Variants in OR2AP1 observed in about 807,000 individuals in gnomAD.
OR2AP1 encodes the protein olfactory receptor 2AP1.
In OR2AP1, 20 loss-of-function variants were observed where a neutral mutation model predicts 13.9. The observed-to-expected ratio is 1.44, with a 90% confidence interval of 1.01 to 2.09. The LOEUF is 2.09. Ranked by LOEUF, OR2AP1 falls within the 30% of genes most tolerant of loss-of-function variation. The probability of loss-of-function intolerance (pLI) is 0.00; values close to 1 mark genes in which losing one functional copy is unlikely to be tolerated. For missense variants in OR2AP1, 490 were observed against 360.6 expected (o/e 1.36, Z -2.91); for synonymous variants, 174 against 137.0 (o/e 1.27, Z -1.89).
In OR2AP1 at chr12:55,574,389, C is replaced by T. The variant is rs1307770751; in HGVS notation, c.-26C>T. The T allele has an allele frequency of 1.5e-6, 2 of 1,300,516 alleles. No individual in the cohort carries two copies. Among genetic ancestry groups the T allele is most frequent in the Admixed American group, 4.6e-5 (2 of 43,208 alleles). 80.6% of individuals were successfully genotyped at this position (1,300,516 alleles called of 1,614,324 possible). A position where few individuals can be genotyped will look rare whatever the true frequency, so the allele number is the denominator to read the frequency against. ...CTTTTGATTACTACTCTCTTTTTCA[C>T]TTTGAGACTCAAAATTTTTTCAACA... On this transcript the variant is annotated 5_prime_UTR_variant, in exon 2 of 2. Transcript: ENST00000641114.
chr12:55,572,771 T>A (rs1874455339), intron 1 of OR2AP1, 149 bp downstream of exon 1: 1 of 152,200 alleles, frequency 6.6e-6, no homozygotes, highest in African/African-American at 2.4e-5. Context: ...TTACAATAAC[T>A]TTTCTTGATC....
At chr12:55,572,701 G>A (rs769950420) in intron 1 of OR2AP1, 79 bp downstream of exon 1, 6 of 152,018 alleles carry the variant, frequency 3.9e-5, no homozygotes, top group Non-Finnish European at 8.8e-5. Flanking sequence ...CCATCTCCAA[G>A]CTAACTTCTC....
At position 55,575,465 on chromosome 12, in the gene OR2AP1, T is replaced by C. The variant is rs999701238; in HGVS notation, c.*121T>C. ...ATGGCACATATACACCATGGAATAC[T>C]ATGCAGCCATTAAAAATGATGAGTT... On this transcript the variant is annotated 3_prime_UTR_variant, in exon 2 of 2. Transcript: ENST00000641114. The C allele has an allele frequency of 1.7e-6, 1 of 590,000 alleles. No individual in the cohort carries two copies. The allele number at this position is 590,000 out of a possible 1,614,324, so 36.5% of individuals were successfully genotyped here. A position where few individuals can be genotyped will look rare whatever the true frequency, so the allele number is the denominator to read the frequency against.
chr12:55,574,554 C>T lies in OR2AP1; in HGVS notation c.140C>T (p.Thr47Ile). The T allele has an allele frequency of 6.5e-7, 1 of 1,539,822 alleles. No individual in the cohort carries two copies. The highest frequency in any genetic ancestry group is 8.7e-7 in the Non-Finnish European group (1 of 1,148,244). The change falls in exon 2 of 2, where the codon ACC becomes ATC. Residue 47 changes from threonine (T) to isoleucine (I), a missense_variant. Thr to Ile is a moderately conservative substitution (Grantham distance 89, BLOSUM62 -1). Transcript: ENST00000641114. ...GGAAATCTGACTATCCTCATCCTCACCTTGCTGGACTCCCACCTTCAGACT... is the reference window on the plus strand; with the variant it reads ...GGAAATCTGACTATCCTCATCCTCATCTTGCTGGACTCCCACCTTCAGACT... The part of the protein sequence containing the change: ...ILGNLTILIL[T>I]LLDSHLQTPM...
rs564196175 is a variant in OR2AP1 at position 55,574,333 on chromosome 12, C to T, written c.-82C>T. 1.8e-4 allele frequency: 126 copies of T among 695,208 alleles called. 2 individuals are homozygous for T. In the South Asian group the frequency reaches 2.2e-3, roughly 12 times the overall value. 43.1% of individuals were successfully genotyped at this position (695,208 alleles called of 1,614,324 possible). A position where few individuals can be genotyped will look rare whatever the true frequency, so the allele number is the denominator to read the frequency against. On this transcript the variant is annotated 5_prime_UTR_variant, in exon 2 of 2. Transcript: ENST00000641114. ...CATTTTTTTCTTGTCAGACTTCATC[C>T]GTTCATTTCAGAGCACCTCTTCCTT... is the stretch of plus-strand genomic sequence containing the variant.
chr12:55,574,469 C>T lies in OR2AP1; in HGVS notation c.55C>T (p.Pro19Ser). The change falls in exon 2 of 2, where the codon CCT (proline) becomes TCT (serine). Residue 19 changes from proline (P) to serine (S), a missense_variant. Pro to Ser is a moderately conservative substitution (Grantham distance 74). Coordinates refer to ENST00000641114, the MANE Select transcript of OR2AP1 (RefSeq NM_001258285.2). ...EFILLGLTDV[P>S]ELQVAVFTFL... ...TATCCTTCTGGGTCTAACAGATGTC[C>T]CTGAACTCCAGGTGGCAGTTTTCAC... 1.3e-6 allele frequency: 2 copies of T among 1,536,160 alleles called. No individual in the cohort carries two copies. The highest frequency in any genetic ancestry group is 8.7e-7 in the Non-Finnish European group (1 of 1,146,486).
Position 55,575,037 on chromosome 12 carries a change from C to T in OR2AP1, c.623C>T (p.Thr208Ile). ...FLVASVTLVV[T>I]LVLVILSYAF... ...GTGGCATCTGTGACCCTGGTGGTCA[C>T]TCTGGTGCTAGTGATTCTCTCCTAT... Residue 208 changes from threonine to isoleucine, a missense_variant, in exon 2 of 2, where the codon ACT becomes ATT. By Grantham distance (89) the Thr-to-Ile change is moderately conservative (BLOSUM62 -1). Coordinates refer to ENST00000641114, the MANE Select transcript of OR2AP1 (RefSeq NM_001258285.2). The T allele has an allele frequency of 2.6e-6, 4 of 1,539,136 alleles. No homozygotes were observed. The highest frequency in any genetic ancestry group is 2.4e-5 in the South Asian group (2 of 84,310).
At chr12:55,574,102 C>G (rs1387449405) in intron 1 of OR2AP1, 118 bp from the exon 2 acceptor site, 2 of 223,088 alleles carry the variant, frequency 9.0e-6, no homozygotes, top group Non-Finnish European at 1.7e-5. Flanking sequence ...TGGAGGCATT[C>G]TTTTATTAAC....
Position 55,574,772 on chromosome 12 carries a change from C to G in OR2AP1, c.358C>G (p.Arg120Gly), listed in dbSNP as rs946938450. The G allele has an allele frequency of 6.2e-7, 1 of 1,606,270 alleles. No individual in the cohort carries two copies. Among genetic ancestry groups the G allele is most frequent in the Non-Finnish European group, 8.5e-7 (1 of 1,176,354 alleles). Reference protein sequence around the residue: ...FYLLAAMSYDRYVAICKPLHY... With the variant: ...FYLLAAMSYDGYVAICKPLHY... ...CCTTCTGGCTGCCATGTCCTATGACCGCTATGTGGCCATCTGCAAACCTCT... is the reference window on the plus strand; with the variant it reads ...CCTTCTGGCTGCCATGTCCTATGACGGCTATGTGGCCATCTGCAAACCTCT... The change falls in exon 2 of 2, where the codon CGC becomes GGC. Residue 120 changes from arginine to glycine, a missense_variant. Coordinates refer to ENST00000641114, the MANE Select transcript of OR2AP1 (RefSeq NM_001258285.2).
intron 1 of OR2AP1, among the ~76,000 whole-genome samples, chr12:55,573,948 A>G (rs2135880232): frequency 6.6e-6 from 1 of 152,308 alleles, no homozygotes; most frequent in South Asian, 2.1e-4. Flanking sequence ...TTATATGAAA[A>G]AAAGGTAGGG....
Position 55,575,349 on chromosome 12 carries a change from T to C in OR2AP1, c.*5T>C, listed in dbSNP as rs1874540200. ...AAAAAGCTTCTGAATCTTTAAAGAA[T>C]TTAAGAATTATGCATCGCGACATTA... On this transcript the variant is annotated 3_prime_UTR_variant, in exon 2 of 2. Transcript: ENST00000641114. 2 of 1,469,158 alleles carry C rather than the reference T, an allele frequency of 1.4e-6. No individual in the cohort carries two copies. The highest frequency in any genetic ancestry group is 2.8e-5 in the African/African-American group (2 of 70,542). 91.0% of individuals were successfully genotyped at this position (1,469,158 alleles called of 1,614,324 possible).
At chr12:55,573,876 C>T (rs1874482232) in intron 1 of OR2AP1, among the ~76,000 whole-genome samples, 1 of 151,940 alleles carries the variant, frequency 6.6e-6, no homozygotes, top group Non-Finnish European at 1.5e-5. Flanking sequence ...GAAGATGATA[C>T]TTTTTTTGCT....
rs1175913084 is a variant in OR2AP1 at position 55,575,023 on chromosome 12, G to A, written c.609G>A (p.Val203=). 6.5e-7 allele frequency: 1 copy of A among 1,538,236 alleles called. No homozygotes were observed. The highest frequency in any genetic ancestry group is 8.7e-7 in the Non-Finnish European group (1 of 1,147,254). The change falls in exon 2 of 2, where the codon GTG becomes GTA. Residue 203 remains valine, a synonymous_variant. Coordinates refer to ENST00000641114, the MANE Select transcript of OR2AP1 (RefSeq NM_001258285.2). ...AGGTTGTCTTTCTTGTGGCATCTGT[G>A]ACCCTGGTGGTCACTCTGGTGCTAG... The part of the protein sequence containing the change: ...IEKVVFLVAS[V]TLVVTLVLVI...
intron 1 of OR2AP1, among the ~76,000 whole-genome samples, chr12:55,573,617 T>C (rs1403232135): frequency 6.6e-6 from 1 of 152,222 alleles, no homozygotes. Flanking sequence ...GTTCTTGCTT[T>C]AAATATTCTT....
rs1874488672 is a variant in OR2AP1 at position 55,574,142 on chromosome 12, T to C, written c.-195-78T>C. On this transcript the variant is annotated intron_variant, in intron 1 of 1. Coordinates refer to ENST00000641114, the MANE Select transcript of OR2AP1 (RefSeq NM_001258285.2). ...TTCACAATGTTTTGAATATCATTTATGAGGCAGACACTTGCCTCATGTGAG... is the reference window on the plus strand; with the variant it reads ...TTCACAATGTTTTGAATATCATTTACGAGGCAGACACTTGCCTCATGTGAG... 4.5e-5 allele frequency: 15 copies of C among 334,296 alleles called. No individual in the cohort carries two copies. In the East Asian group the frequency reaches 7.3e-4, roughly 16 times the overall value. 20.7% of individuals were successfully genotyped at this position (334,296 alleles called of 1,614,324 possible).
Position 55,574,424 on chromosome 12 carries a change from A to G in OR2AP1, c.10A>G (p.Lys4Glu), listed in dbSNP as rs1874499789. 3.3e-6 allele frequency: 5 copies of G among 1,506,500 alleles called. No individual in the cohort carries two copies. The highest frequency in any genetic ancestry group is 4.4e-6 in the Non-Finnish European group (5 of 1,134,012). The allele number at this position is 1,506,500 out of a possible 1,614,324, so 93.3% of individuals were successfully genotyped here. A position where few individuals can be genotyped will look rare whatever the true frequency, so the allele number is the denominator to read the frequency against. Reference protein sequence around the residue: MKNKTVLTEFILLG... With the variant: MKNETVLTEFILLG... Reference sequence around the variant, plus strand: ...CAAAATTTTTTCAACAATGAAAAATAAAACCGTGTTAACTGAGTTTATCCT... The same window carrying G: ...CAAAATTTTTTCAACAATGAAAAATGAAACCGTGTTAACTGAGTTTATCCT... The change falls in exon 2 of 2, where the codon AAA becomes GAA. Residue 4 changes from lysine (K) to glutamate (E), a missense_variant. Physicochemically the swap from Lys to Glu is moderately conservative, Grantham distance 56. Transcript: ENST00000641114.
At chr12:55,573,299 A>G (rs1189364407) in intron 1 of OR2AP1, among the ~76,000 whole-genome samples, 1 of 152,148 alleles carries the variant, frequency 6.6e-6, no homozygotes, top group African/African-American at 2.4e-5. Context: ...TTAATCAAGA[A>G]TGCTTTAAAG....
Position 55,574,885 on chromosome 12 carries a change from A to T in OR2AP1, c.471A>T (p.Thr157=). The change falls in exon 2 of 2, where the codon ACA becomes ACT. Residue 157 remains threonine (T), a synonymous_variant. Coordinates refer to ENST00000641114, the MANE Select transcript of OR2AP1 (RefSeq NM_001258285.2). ...GTGGGCTAATGGCTATTATACCAACAATCACCCTGATGAGTCAGCAGGACT... is the reference window on the plus strand; with the variant it reads ...GTGGGCTAATGGCTATTATACCAACTATCACCCTGATGAGTCAGCAGGACT... ...WLGGLMAIIP[T]ITLMSQQDFC... is the part of the protein sequence containing the mutation. 6.5e-7 allele frequency: 1 copy of T among 1,548,500 alleles called. No homozygotes were observed. Among genetic ancestry groups the T allele is most frequent in the Non-Finnish European group, 8.7e-7 (1 of 1,149,962 alleles).
intron 1 of OR2AP1, among the ~76,000 whole-genome samples, chr12:55,573,840 T>C (rs1874480733): frequency 6.6e-6 from 1 of 151,982 alleles, no homozygotes; most frequent in Admixed American, 6.6e-5. Flanking sequence ...GGCTAAGAAG[T>C]TGGAGGGTCC....
Sources: gnomAD v4.1 joint callset for allele counts (sites outside exome capture counted in the v4.1 genomes callset) on GRCh38, gnomAD v4.1.1 for gene constraint, MANE v1.5 for transcripts, NCBI Gene and HGNC (gene_info 2026-07-23, HGNC 2026-07-21) for gene names.